PLXDC2: variants seen among roughly 807,000 people sequenced by gnomAD.
The protein encoded by PLXDC2 is plexin domain-containing protein 2.
In PLXDC2, 40 loss-of-function variants were observed where a neutral mutation model predicts 68.9. The ratio of observed to expected loss-of-function variants is 0.58; its 90% confidence interval spans 0.45 to 0.76. The LOEUF (loss-of-function observed/expected upper bound fraction) is 0.76. PLXDC2 is among the 30% of genes least tolerant of loss of function. PLXDC2 has a pLI of 0.00. For synonymous variants in PLXDC2, 243 were observed against 234.2 expected, an observed-to-expected ratio of 1.04 and a Z score of -0.34; for missense variants, 644 against 661.9, an observed-to-expected ratio of 0.97 and a Z score of 0.30.
At chr10:19,871,846 A>G (rs1837542341) in intron 1 of PLXDC2, among the ~76,000 whole-genome samples, 1 of 149,096 alleles carries the variant, frequency 6.7e-6, no homozygotes, top group African/African-American at 2.5e-5. Context: ...AGATCACGCC[A>G]CCGCACTCCA....
At chr10:20,231,315 A>G (rs1187447850) in intron 12 of PLXDC2, among the ~76,000 whole-genome samples, 1 of 150,690 alleles carries the variant, frequency 6.6e-6, no homozygotes, top group Non-Finnish European at 1.5e-5. Context: ...ATATGTATTG[A>G]AGAAAAGTAC....
intron 1 of PLXDC2, among the ~76,000 whole-genome samples, chr10:19,885,880 A>G (rs562247082): frequency 1.3e-5 from 2 of 152,022 alleles, no homozygotes; most frequent in South Asian, 4.2e-4. Flanking sequence ...GTTTTTTCCA[A>G]TTCTGTGAAG....
At chr10:19,993,312 C>CAT (rs57283560) in intron 1 of PLXDC2, among the ~76,000 whole-genome samples, 41,955 of 151,862 alleles carry the variant, frequency 0.28, 6,141 homozygotes, top group East Asian at 0.51. Context: ...GATAGTATAT[C>CAT]ATAATTACAC....
Position 19,876,513 on chromosome 10 carries a change from A to G in PLXDC2, c.112+59322A>G, listed in dbSNP as rs924529398. Among the ~76,000 whole-genome samples, 11 of 150,706 alleles carry G rather than the reference A, an allele frequency of 7.3e-5. No individual in the cohort carries two copies. In the East Asian group the frequency reaches 1.6e-3, roughly 22 times the overall value. ...GCTACTCAGGAGGCTGAGGCAGGAG[A>G]ATCACTTGAACCCTGGAGGCAGAGG... On this transcript the variant is annotated intron_variant, in intron 1 of 13. Transcript: ENST00000377252.
chr10:20,051,182 A>G (rs548522896), intron 3 of PLXDC2, among the ~76,000 whole-genome samples: 1 of 151,870 alleles, frequency 6.6e-6, no homozygotes, highest in African/African-American at 2.4e-5. Flanking sequence ...GAGCTAAAAG[A>G]TGAGAAGTTA....
At chr10:20,095,719 A>T (rs1269376529) in intron 4 of PLXDC2, among the ~76,000 whole-genome samples, 1 of 152,148 alleles carries the variant, frequency 6.6e-6, no homozygotes, top group Non-Finnish European at 1.5e-5. Flanking sequence ...CCACTGGATT[A>T]TTTTAGGCAG....
rs575213647 is a variant in PLXDC2 at position 20,222,827 on chromosome 10, A to C, written c.1312+3725A>C. Among the ~76,000 whole-genome samples the C allele has an allele frequency of 7.9e-5, 12 of 152,286 alleles. No individual in the cohort carries two copies. In the East Asian group the frequency reaches 2.3e-3, roughly 29 times the overall value. ...ACATAGCAAGACCCTGTCCTTAAAA[A>C]AAAATTAAATAAAAAAATTAAAAAG... On this transcript the variant is annotated intron_variant, in intron 12 of 13. Transcript: ENST00000377252.
chr10:19,974,450 C>A (rs948714115), intron 1 of PLXDC2, among the ~76,000 whole-genome samples: 2 of 152,218 alleles, frequency 1.3e-5, no homozygotes, highest in Admixed American at 1.3e-4. Context: ...AAAGGCCATA[C>A]TTCACTGGCT....
At chr10:19,978,605 T>G (rs1165530581) in intron 1 of PLXDC2, among the ~76,000 whole-genome samples, 1 of 152,206 alleles carries the variant, frequency 6.6e-6, no homozygotes, top group African/African-American at 2.4e-5. Flanking sequence ...CAGAATTCAG[T>G]GTTACTAATG....
intron 1 of PLXDC2, among the ~76,000 whole-genome samples, chr10:19,901,508 A>T (rs1174498145): frequency 1.3e-5 from 2 of 151,988 alleles, no homozygotes; most frequent in Non-Finnish European, 2.9e-5. Flanking sequence ...TCCTTAGCCT[A>T]CTTTTTGATG....
chr10:19,892,918 G>C (rs541877406), intron 1 of PLXDC2, among the ~76,000 whole-genome samples: 6 of 147,660 alleles, frequency 4.1e-5, no homozygotes, highest in Non-Finnish European at 7.4e-5. Context: ...TAGTTGAAAT[G>C]GTCTTTTTTT....
At chr10:20,076,298 G>A (rs1589617417) in intron 4 of PLXDC2, among the ~76,000 whole-genome samples, 1 of 152,308 alleles carries the variant, frequency 6.6e-6, no homozygotes, top group South Asian at 2.1e-4. Flanking sequence ...TAGAGAAGAA[G>A]TTAGGCTTCC....
intron 1 of PLXDC2, among the ~76,000 whole-genome samples, chr10:19,864,349 A>C (rs2131337583): frequency 6.6e-6 from 1 of 152,274 alleles, no homozygotes; most frequent in African/African-American, 2.4e-5. Context: ...TCAGCTGATT[A>C]ATCATATTTA....
intron 1 of PLXDC2, among the ~76,000 whole-genome samples, chr10:19,885,081 A>G (rs1336078519): frequency 6.6e-6 from 1 of 152,016 alleles, no homozygotes; most frequent in Non-Finnish European, 1.5e-5. Flanking sequence ...TGTGGTTTTG[A>G]TTTGCATTTC....
At chr10:19,990,194 G>C (rs1205948738) in intron 1 of PLXDC2, among the ~76,000 whole-genome samples, 1 of 152,048 alleles carries the variant, frequency 6.6e-6, no homozygotes, top group Non-Finnish European at 1.5e-5. Context: ...ATAAAATAAA[G>C]ACCATGATTT....
chr10:19,970,686 A>C (rs1834335404), intron 1 of PLXDC2, among the ~76,000 whole-genome samples: 1 of 152,220 alleles, frequency 6.6e-6, no homozygotes, highest in Admixed American at 6.5e-5. Flanking sequence ...GCTTTTGACT[A>C]TGAAATTCTC....
intron 4 of PLXDC2, among the ~76,000 whole-genome samples, chr10:20,098,538 G>C (rs7912196): frequency 6.6e-6 from 1 of 151,750 alleles, no homozygotes; most frequent in Non-Finnish European, 1.5e-5. Context: ...ATAAAGTAAC[G>C]TTTGTGATTC....
At chr10:20,202,360 T>C (rs992433601) in intron 9 of PLXDC2, among the ~76,000 whole-genome samples, 2 of 152,210 alleles carry the variant, frequency 1.3e-5, no homozygotes, top group Non-Finnish European at 2.9e-5. Context: ...AGAAATCTCA[T>C]ACTTTATGTT....
chr10:19,852,413 A>C (rs556031299), intron 1 of PLXDC2, among the ~76,000 whole-genome samples: 1 of 124,526 alleles, frequency 8.0e-6, no homozygotes, highest in South Asian at 2.7e-4. Flanking sequence ...GTGACAGAGC[A>C]AGACCCTGTC....
Sources: gnomAD v4.1 joint callset for allele counts (sites outside exome capture counted in the v4.1 genomes callset) on GRCh38, gnomAD v4.1.1 for gene constraint, MANE v1.5 for transcripts, NCBI Gene and HGNC (gene_info 2026-07-23, HGNC 2026-07-21) for gene names.